Variants in TMEM245 observed in about 807,000 individuals in gnomAD.
The protein encoded by TMEM245 is protein CG-2.
TMEM245 carries 69 observed loss-of-function variants against 101.2 expected under a neutral mutation model. The observed-to-expected ratio is 0.68, with a 90% confidence interval of 0.56 to 0.83. TMEM245 has a LOEUF of 0.83. Among genes scored for constraint, TMEM245 ranks in the 40% least tolerant of loss-of-function variants. The pLI, the probability that TMEM245 is intolerant of heterozygous loss-of-function variation, is 0.00. For synonymous variants in TMEM245, 537 were observed against 449.8 expected (o/e 1.19, Z -2.45); for missense variants, 1,075 against 1,092.8 (o/e 0.98, Z 0.23).
At chr9:109,096,229 C>A (rs1476424301) in intron 3 of TMEM245, among the ~76,000 whole-genome samples, 10 of 152,212 alleles carry the variant, frequency 6.6e-5, no homozygotes, top group Admixed American at 6.5e-4. Flanking sequence ...GTAATCCCAG[C>A]ACTCTGGGAG....
At chr9:109,036,743 C>G (rs1828138509) in intron 15 of TMEM245, among the ~76,000 whole-genome samples, 1 of 152,170 alleles carries the variant, frequency 6.6e-6, no homozygotes, top group African/African-American at 2.4e-5. Flanking sequence ...AAAGCCCAAT[C>G]AGAAATTAGT....
In TMEM245 at chr9:109,119,402, A is replaced by C. The variant is rs116628824; in HGVS notation, c.512T>G (p.Val171Gly). 4.4e-4 allele frequency: 671 copies of C among 1,528,104 alleles called. No individual in the cohort carries two copies. The African/African-American group carries it at 8.6e-3, about 20-fold the overall frequency. 94.7% of individuals were successfully genotyped at this position (1,528,104 alleles called of 1,614,324 possible). ...GLYCLGSYLG[V>G]QVLLVHAATL... ...GGCAGCGTGCACCAGCAGCACCTGCACGCCCAAGTAGCTGCCGAGGCAGTA... is the reference window on the plus strand; with the variant it reads ...GGCAGCGTGCACCAGCAGCACCTGCCCGCCCAAGTAGCTGCCGAGGCAGTA... Residue 171 changes from valine to glycine, a missense_variant, in exon 1 of 18, where the codon GTG becomes GGG. Val to Gly is a moderately radical substitution (Grantham distance 109). Coordinates refer to ENST00000374586, the MANE Select transcript of TMEM245 (RefSeq NM_032012.4).
chr9:109,032,856 T>C (rs891810180), intron 17 of TMEM245, among the ~76,000 whole-genome samples: 2 of 146,456 alleles, frequency 1.4e-5, no homozygotes, highest in Admixed American at 7.1e-5. Context: ...TAGAGTCCAG[T>C]GGCACAATCT....
chr9:109,046,708 T>C (rs139443726), intron 14 of TMEM245, among the ~76,000 whole-genome samples: 74 of 152,340 alleles, frequency 4.9e-4, no homozygotes, highest in African/African-American at 1.7e-3. Flanking sequence ...CTTATAAAAG[T>C]TGGTATCACT....
rs371027055 is a variant in TMEM245 at position 109,016,455 on chromosome 9, G to A, written c.*4005C>T. On this transcript the variant is annotated 3_prime_UTR_variant, in exon 18 of 18. Transcript: ENST00000374586. ...AGAACTCTATTCTATTCTGAATTCT[G>A]TTACTAACTGGCTGTATGTGTATGT... is the stretch of plus-strand genomic sequence containing the variant. The A allele has an allele frequency of 7.2e-5, 11 of 152,144 alleles. No individual in the cohort carries two copies. Among genetic ancestry groups the A allele is most frequent in the African/African-American group, 2.7e-4 (11 of 41,424 alleles). The allele number at this position is 152,144 out of a possible 1,614,324, so 9.4% of individuals were successfully genotyped here. A position where few individuals can be genotyped will look rare whatever the true frequency, so the allele number is the denominator to read the frequency against.
chr9:109,114,505 G>A (rs1390417043), intron 1 of TMEM245, among the ~76,000 whole-genome samples: 1 of 152,120 alleles, frequency 6.6e-6, no homozygotes, highest in Non-Finnish European at 1.5e-5. Context: ...GAGGGCCCTG[G>A]TCTGCCCAAG....
In TMEM245 at chr9:109,050,664, C is replaced by T. The variant is rs758084519; in HGVS notation, c.1883G>A (p.Ser628Asn). The change falls in exon 13 of 18, where the codon AGC becomes AAC. Residue 628 changes from serine (S) to asparagine (N), a missense_variant. Physicochemically the swap from Ser to Asn is conservative, Grantham distance 46. Transcript: ENST00000374586. The part of the protein sequence containing the change: ...SILESLWIVM[S>N]RNVSLLFTTV... ...GGTGAACAGCAGGCTCACATTCCGGCTCATAACGATCCACAGAGACTCCAA... is the reference window on the plus strand; with the variant it reads ...GGTGAACAGCAGGCTCACATTCCGGTTCATAACGATCCACAGAGACTCCAA... The T allele has an allele frequency of 1.9e-6, 3 of 1,612,448 alleles. No individual in the cohort carries two copies. The highest frequency in any genetic ancestry group is 2.7e-5 in the African/African-American group (2 of 74,336).
intron 14 of TMEM245, among the ~76,000 whole-genome samples, chr9:109,039,783 C>T (rs577111515): frequency 5.9e-5 from 9 of 151,506 alleles, no homozygotes; most frequent in South Asian, 4.2e-4. Flanking sequence ...GCAGTATTCC[C>T]GGAGACCAAG....
chr9:109,055,603 A>G (rs1237562985), intron 12 of TMEM245, among the ~76,000 whole-genome samples: 1 of 152,188 alleles, frequency 6.6e-6, no homozygotes, highest in African/African-American at 2.4e-5. Context: ...GTATGATAGC[A>G]GAAATGAAAA....
chr9:109,059,009 C>A (rs1828930421), intron 11 of TMEM245, among the ~76,000 whole-genome samples: 1 of 152,156 alleles, frequency 6.6e-6, no homozygotes, highest in African/African-American at 2.4e-5. Flanking sequence ...GACAATTGTA[C>A]TTAACCACTT....
chr9:109,111,939 T>C (rs1273736386), intron 1 of TMEM245, among the ~76,000 whole-genome samples: 1 of 152,220 alleles, frequency 6.6e-6, no homozygotes, highest in African/African-American at 2.4e-5. Context: ...GTAGTATCTT[T>C]ATAAACAGAA....
chr9:109,112,771 T>C (rs972441422), intron 1 of TMEM245, among the ~76,000 whole-genome samples: 6 of 152,086 alleles, frequency 3.9e-5, no homozygotes, highest in Admixed American at 6.5e-5. Flanking sequence ...ATAGTGGGAA[T>C]AGTGGTAGAG....
intron 14 of TMEM245, among the ~76,000 whole-genome samples, chr9:109,041,552 C>T (rs1354243427): frequency 2.0e-5 from 3 of 148,750 alleles, no homozygotes; most frequent in African/African-American, 7.5e-5. Context: ...CAACCTCCAC[C>T]TCCTGGGCTC....
At chr9:109,095,863 G>C (rs970660770) in intron 3 of TMEM245, among the ~76,000 whole-genome samples, 2 of 152,128 alleles carry the variant, frequency 1.3e-5, no homozygotes, top group African/African-American at 4.8e-5. Flanking sequence ...ATCCATTTGA[G>C]ATATAAGACC....
At chr9:109,023,625 G>A (rs373156786) in intron 17 of TMEM245, among the ~76,000 whole-genome samples, 6 of 152,078 alleles carry the variant, frequency 3.9e-5, no homozygotes, top group African/African-American at 1.4e-4. Flanking sequence ...ACGAGGTCAG[G>A]AGATCGAGAC....
intron 10 of TMEM245, 94 bp from the exon 11 acceptor site, chr9:109,060,546 A>C: frequency 1.2e-6 from 1 of 831,758 alleles, no homozygotes; most frequent in East Asian, 2.6e-5. Context: ...GTTCCAAAGC[A>C]AACAAAAATG....
chr9:109,023,598 G>A (rs144548809), intron 17 of TMEM245, among the ~76,000 whole-genome samples: 4 of 152,266 alleles, frequency 2.6e-5, no homozygotes, highest in African/African-American at 9.6e-5. Context: ...ACTTTGGGAG[G>A]CCGAGGCAGG....
chr9:109,075,569 T>A (rs1042424241), intron 8 of TMEM245, among the ~76,000 whole-genome samples: 1 of 152,228 alleles, frequency 6.6e-6, no homozygotes, highest in Non-Finnish European at 1.5e-5. Context: ...TTCTATTTCT[T>A]CTTGAGTCTG....
chr9:109,034,886 G>A (rs186487341), intron 16 of TMEM245, among the ~76,000 whole-genome samples: 8 of 152,148 alleles, frequency 5.3e-5, no homozygotes, highest in African/African-American at 1.4e-4. Context: ...GCCGGGCATC[G>A]TGGCTCATGC....
Sources: allele counts gnomAD v4.1 joint callset (sites outside exome capture counted in the v4.1 genomes callset), GRCh38; gene constraint gnomAD v4.1.1; transcripts MANE v1.5; gene names NCBI Gene and HGNC (gene_info 2026-07-23, HGNC 2026-07-21).